Variants in FRY observed in about 807,000 individuals in gnomAD.
FRY encodes FRY microtubule binding protein.
A neutral mutation model predicts 348.4 loss-of-function variants in FRY; 128 were observed. The observed-to-expected ratio is 0.37, with a 90% CI of 0.32 to 0.43. FRY has a LOEUF of 0.43. Ranked by LOEUF, FRY falls within the 20% of genes least tolerant of loss-of-function variation. FRY has a pLI of 1.00. For synonymous variants in FRY, 1,370 were observed against 1,374.7 expected, an observed-to-expected ratio of 1.00 and a Z score of 0.08; for missense variants, 2,736 against 3,695.2, an observed-to-expected ratio of 0.74 and a Z score of 6.73.
intron 3 of FRY, among the ~76,000 whole-genome samples, chr13:32,115,278 G>A (rs1391144071): frequency 3.9e-5 from 6 of 152,106 alleles, no homozygotes; most frequent in Non-Finnish European, 2.9e-5. Context: ...AGTGAAGCCC[G>A]GCCTGCTTAA....
chr13:32,125,555 A>G (rs1485178011), intron 7 of FRY, among the ~76,000 whole-genome samples: 1 of 152,236 alleles, frequency 6.6e-6, no homozygotes, highest in East Asian at 1.9e-4. Context: ...TCATGCCAGG[A>G]GGTCAGCTTA....
chr13:32,140,280 T>G lies in FRY; in HGVS notation c.1179+3308T>G, dbSNP rs149910744. Among the ~76,000 whole-genome samples the G allele has an allele frequency of 3.5e-3, 534 of 152,348 alleles. 1 individual carries two copies. The highest frequency in any genetic ancestry group is 0.01 in the Middle Eastern group (3 of 294). ...AGTTTCCTTATGCTTTCATGAATGT[T>G]GTTTATGCATTTCCAAATATTTGCT... On this transcript the variant is annotated intron_variant, in intron 11 of 60. Transcript: ENST00000542859.
At chr13:32,091,745 A>T (rs997764207) in intron 2 of FRY, among the ~76,000 whole-genome samples, 1 of 152,170 alleles carries the variant, frequency 6.6e-6, no homozygotes, top group African/African-American at 2.4e-5. Flanking sequence ...AACCACTAAG[A>T]CCAGACATTT....
chr13:32,139,614 G>A (rs1190822576), intron 11 of FRY, among the ~76,000 whole-genome samples: 6 of 152,150 alleles, frequency 3.9e-5, no homozygotes. Flanking sequence ...GGTTGCTTTG[G>A]GAGCACAGAC....
At chr13:32,087,919 T>C (rs78183161) in intron 2 of FRY, among the ~76,000 whole-genome samples, 5,187 of 152,366 alleles carry the variant, frequency 0.034, 91 homozygotes, top group African/African-American at 0.039. Flanking sequence ...AATTTACTAA[T>C]CATCTTCATA....
chr13:32,174,836 T>C (rs1882282076), intron 19 of FRY, among the ~76,000 whole-genome samples: 1 of 152,160 alleles, frequency 6.6e-6, no homozygotes, highest in Admixed American at 6.5e-5. Context: ...CCATAAGGGA[T>C]GGTGAATGAA....
chr13:32,174,898 T>A (rs1319978361), intron 19 of FRY, among the ~76,000 whole-genome samples: 1 of 152,136 alleles, frequency 6.6e-6, no homozygotes, highest in African/African-American at 2.4e-5. Flanking sequence ...TTACATATAT[T>A]TTGTTCATAA....
intron 58 of FRY, among the ~76,000 whole-genome samples, chr13:32,282,005 G>A (rs576108004): frequency 2.0e-5 from 3 of 152,262 alleles, no homozygotes; most frequent in Admixed American, 6.5e-5. Flanking sequence ...GTTAACACTC[G>A]ACAAGGCCGG....
chr13:32,179,079 T>C, intron 22 of FRY, 46 bp downstream of exon 22: 1 of 1,500,090 alleles, frequency 6.7e-7, no homozygotes. Flanking sequence ...GGTTTTTTTT[T>C]AGCTTGTTTG....
chr13:32,275,069 G>C lies in FRY; in HGVS notation c.8286+78G>C. The C allele has an allele frequency of 9.8e-6, 13 of 1,328,650 alleles. 1 individual carries two copies. The highest frequency in any genetic ancestry group is 3.5e-5 in the South Asian group (3 of 85,144). 82.3% of individuals were successfully genotyped at this position (1,328,650 alleles called of 1,614,324 possible). ...CAGAACTTCAGGGTAGCATGTTTGC[G>C]CTGTGGTTTGTTTTAAAGATACCTT... On this transcript the variant is annotated intron_variant, in intron 56 of 60. Transcript: ENST00000542859.
intron 35 of FRY, among the ~76,000 whole-genome samples, chr13:32,212,916 TGCCTTG>T (rs1293406095): frequency 1.3e-5 from 2 of 152,164 alleles, no homozygotes; most frequent in Non-Finnish European, 2.9e-5. Flanking sequence ...GCCTTCTTAT[TGCCTTG>T]CCTATGAACT....
At chr13:32,198,711 C>T (rs1883831845) in intron 29 of FRY, among the ~76,000 whole-genome samples, 1 of 152,240 alleles carries the variant, frequency 6.6e-6, no homozygotes, top group African/African-American at 2.4e-5. Flanking sequence ...CATCATTCAA[C>T]ATCATTCTTG....
At chr13:32,212,064 G>A (rs144677106) in intron 34 of FRY, among the ~76,000 whole-genome samples, 113 of 152,316 alleles carry the variant, frequency 7.4e-4, no homozygotes, top group African/African-American at 2.4e-3. Flanking sequence ...CTTGCTTTAC[G>A]AGAGTTAAGG....
At chr13:32,189,027 G>A (rs532589167) in intron 28 of FRY, among the ~76,000 whole-genome samples, 1 of 152,146 alleles carries the variant, frequency 6.6e-6, no homozygotes, top group East Asian at 1.9e-4. Context: ...CTCACAAATT[G>A]GTATGGATGG....
intron 36 of FRY, among the ~76,000 whole-genome samples, chr13:32,219,128 G>C (rs773218719): frequency 7.1e-6 from 1 of 140,520 alleles, no homozygotes; most frequent in Non-Finnish European, 1.5e-5. Context: ...TCGCTTTGTC[G>C]CCCAGGCTGG....
intron 46 of FRY, among the ~76,000 whole-genome samples, chr13:32,242,601 G>A (rs961067384): frequency 4.6e-5 from 7 of 151,986 alleles, no homozygotes; most frequent in Admixed American, 3.3e-4. Context: ...GCAACATGAC[G>A]TTGGCTCACT....
intron 1 of FRY, among the ~76,000 whole-genome samples, chr13:32,058,009 G>A (rs1873737270): frequency 6.6e-6 from 1 of 152,104 alleles, no homozygotes; most frequent in Non-Finnish European, 1.5e-5. Flanking sequence ...AGGCCACACA[G>A]AAGCAGAAAG....
chr13:32,266,172 G>A (rs1207402594), intron 54 of FRY, among the ~76,000 whole-genome samples: 1 of 152,182 alleles, frequency 6.6e-6, no homozygotes, highest in African/African-American at 2.4e-5. Flanking sequence ...GGAAAAGAAA[G>A]TTGAGATCCT....
chr13:32,103,974 G>T (rs1048832310), intron 3 of FRY, among the ~76,000 whole-genome samples: 1 of 151,628 alleles, frequency 6.6e-6, no homozygotes, highest in Non-Finnish European at 1.5e-5. Flanking sequence ...AAAAAAAAAT[G>T]TACATACTTA....
Sources: allele counts gnomAD v4.1 joint callset (sites outside exome capture counted in the v4.1 genomes callset), GRCh38; gene constraint gnomAD v4.1.1; transcripts MANE v1.5; gene names NCBI Gene and HGNC (gene_info 2026-07-23, HGNC 2026-07-21).